STX17: variants seen among roughly 807,000 people sequenced by gnomAD.
STX17 encodes syntaxin-17.
STX17 carries 29 observed loss-of-function variants against 35.9 expected under a neutral mutation model. That is an observed-to-expected ratio of 0.81 (90% CI 0.60 to 1.10). The LOEUF is 1.10. Among genes scored for constraint, STX17 ranks in the 50% least tolerant of loss-of-function variants. STX17 has a pLI of 0.00. For synonymous variants in STX17, 92 were observed against 118.3 expected, an observed-to-expected ratio of 0.78 and a Z score of 1.44; for missense variants, 312 against 352.3, an observed-to-expected ratio of 0.89 and a Z score of 0.92.
At chr9:99,910,744 C>G (rs1828643597) in intron 1 of STX17, among the ~76,000 whole-genome samples, 1 of 152,168 alleles carries the variant, frequency 6.6e-6, no homozygotes, top group African/African-American at 2.4e-5. Context: ...ACTATAGCTA[C>G]CTCACTGTGT....
At chr9:99,938,744 G>T (rs1587925791) in intron 3 of STX17, among the ~76,000 whole-genome samples, 1 of 138,060 alleles carries the variant, frequency 7.2e-6, no homozygotes, top group East Asian at 2.6e-4. Flanking sequence ...CCATGATCAT[G>T]CCACTGCACT....
rs1051599177 is a variant in STX17 at position 99,968,953 on chromosome 9, G to T, written c.*280G>T. On this transcript the variant is annotated 3_prime_UTR_variant, in exon 8 of 8. Coordinates refer to ENST00000259400, the MANE Select transcript of STX17 (RefSeq NM_017919.3). ...TTTTCTCCCTGGAAATGTGAAAACT[G>T]AACCTATAACTCTGATAAGGACTTG... The T allele has an allele frequency of 7.0e-6, 2 of 285,510 alleles. No individual in the cohort carries two copies. Among genetic ancestry groups the T allele is most frequent in the African/African-American group, 4.4e-5 (2 of 45,614 alleles). 17.7% of individuals were successfully genotyped at this position (285,510 alleles called of 1,614,324 possible).
intron 3 of STX17, among the ~76,000 whole-genome samples, chr9:99,931,645 C>T (rs980510167): frequency 2.0e-5 from 3 of 152,140 alleles, no homozygotes; most frequent in African/African-American, 7.2e-5. Context: ...GTATGGCCTA[C>T]AAAGCTTGAG....
At chr9:99,953,761 A>C (rs1479236067) in intron 4 of STX17, among the ~76,000 whole-genome samples, 1 of 152,032 alleles carries the variant, frequency 6.6e-6, no homozygotes, top group Non-Finnish European at 1.5e-5. Context: ...TATCTCTAGC[A>C]ATTCCCCTAT....
At position 99,967,703 on chromosome 9, in the gene STX17, T is replaced by C. The variant is rs146249139; in HGVS notation, c.633T>C (p.Ala211=). The C allele has an allele frequency of 2.7e-4, 428 of 1,613,914 alleles. No homozygotes were observed. In the African/African-American group the frequency reaches 5.1e-3, roughly 19 times the overall value. ...DSIADHVNSA[A]VNVEEGTKNL... is the part of the protein sequence containing the mutation. Reference sequence around the variant, plus strand: ...TTGCAGACCATGTCAACAGTGCTGCTGTGAATGTTGAAGAGGGAACCAAAA... The same window carrying C: ...TTGCAGACCATGTCAACAGTGCTGCCGTGAATGTTGAAGAGGGAACCAAAA... Residue 211 remains alanine (A), a synonymous_variant, in exon 7 of 8, where the codon GCT becomes GCC. Transcript: ENST00000259400.
intron 2 of STX17, among the ~76,000 whole-genome samples, chr9:99,916,462 C>A (rs190194253): frequency 3.4e-5 from 5 of 147,018 alleles, no homozygotes; most frequent in Admixed American, 2.7e-4. Flanking sequence ...TTCATTCATT[C>A]ATTCTTTTGA....
intron 3 of STX17, among the ~76,000 whole-genome samples, chr9:99,942,078 A>AT (rs1294767687): frequency 1.3e-5 from 2 of 152,196 alleles, no homozygotes; most frequent in Non-Finnish European, 2.9e-5. Flanking sequence ...TTAATTTTAC[A>AT]TTCCTTCCAG....
intron 4 of STX17, among the ~76,000 whole-genome samples, chr9:99,953,609 A>T (rs572758041): frequency 2.9e-4 from 44 of 152,162 alleles, no homozygotes; most frequent in African/African-American, 1.0e-3. Context: ...ACTGAGTTTT[A>T]TAGTTGCATG....
intron 2 of STX17, among the ~76,000 whole-genome samples, chr9:99,917,564 G>C (rs753414015): frequency 6.6e-6 from 1 of 152,202 alleles, no homozygotes; most frequent in Non-Finnish European, 1.5e-5. Context: ...TGCAACATCT[G>C]AAAACAATGA....
intron 3 of STX17, among the ~76,000 whole-genome samples, chr9:99,939,217 AAAG>A (rs745582171): frequency 1.3e-4 from 20 of 152,308 alleles, no homozygotes; most frequent in Middle Eastern, 3.4e-3. Flanking sequence ...GGTTAGGAGA[AAAG>A]AAACGATTAA....
At chr9:99,965,470 C>A (rs1218220827) in intron 6 of STX17, among the ~76,000 whole-genome samples, 1 of 152,142 alleles carries the variant, frequency 6.6e-6, no homozygotes, top group East Asian at 1.9e-4. Flanking sequence ...CCTTTCAACT[C>A]ATCAACATAT....
At position 99,960,091 on chromosome 9, in the gene STX17, C is replaced by G; in HGVS notation, c.532-14C>G. ...TGAGGCATAAAAGTAACTTCCTCTC[C>G]CTTTCTTTTAAAGGACTTAATTGAA... On this transcript the variant is annotated splice_polypyrimidine_tract_variant and intron_variant, in intron 5 of 7. Coordinates refer to ENST00000259400, the MANE Select transcript of STX17 (RefSeq NM_017919.3). 1 of 1,613,972 alleles carries G rather than the reference C, an allele frequency of 6.2e-7. No individual in the cohort carries two copies. Among genetic ancestry groups the G allele is most frequent in the Non-Finnish European group, 8.5e-7 (1 of 1,179,932 alleles).
chr9:99,944,163 C>T (rs1321732187), intron 3 of STX17, among the ~76,000 whole-genome samples: 1 of 151,582 alleles, frequency 6.6e-6, no homozygotes, highest in African/African-American at 2.4e-5. Context: ...TTTTTCATTT[C>T]TGATTTTGGT....
intron 2 of STX17, among the ~76,000 whole-genome samples, chr9:99,921,847 G>A (rs1828895092): frequency 6.6e-6 from 1 of 151,824 alleles, no homozygotes; most frequent in African/African-American, 2.4e-5. Flanking sequence ...GAACTCATCT[G>A]AAGTATCTAG....
At chr9:99,935,921 G>A (rs1322283750) in intron 3 of STX17, among the ~76,000 whole-genome samples, 1 of 152,176 alleles carries the variant, frequency 6.6e-6, no homozygotes, top group Admixed American at 6.5e-5. Flanking sequence ...TGTGAGCAAG[G>A]AGAGTACAGG....
intron 6 of STX17, among the ~76,000 whole-genome samples, chr9:99,966,492 TGAA>T (rs1829912200): frequency 1.3e-5 from 2 of 152,204 alleles, no homozygotes; most frequent in African/African-American, 4.8e-5. Flanking sequence ...TCAATATAAA[TGAA>T]TAGGCCAATT....
Position 99,963,834 on chromosome 9 carries a change from A to C in STX17, c.582+3679A>C, listed in dbSNP as rs532937318. On this transcript the variant is annotated intron_variant, in intron 6 of 7. Transcript: ENST00000259400. ...ATTTTGCCTATATATCATAGTATTT[A>C]TAAGTTTGTTTCTGGGCCTTTTTGT... Among the ~76,000 whole-genome samples, 33 of 152,270 alleles carry C rather than the reference A, an allele frequency of 2.2e-4. No individual in the cohort carries two copies. The South Asian group carries it at 6.6e-3, about 31-fold the overall frequency.
chr9:99,960,236 G>A, intron 6 of STX17, 81 bp downstream of exon 6: 1 of 1,358,088 alleles, frequency 7.4e-7, no homozygotes, highest in South Asian at 1.3e-5. Context: ...CTTTTAATTA[G>A]AATTTTAATA....
chr9:99,965,921 G>A (rs994336851), intron 6 of STX17, among the ~76,000 whole-genome samples: 2 of 152,070 alleles, frequency 1.3e-5, no homozygotes, highest in African/African-American at 4.8e-5. Flanking sequence ...ATTCTTACTT[G>A]ATAAATGAGA....
Sources: gnomAD v4.1 joint callset for allele counts (sites outside exome capture counted in the v4.1 genomes callset) on GRCh38, gnomAD v4.1.1 for gene constraint, MANE v1.5 for transcripts, NCBI Gene and HGNC (gene_info 2026-07-23, HGNC 2026-07-21) for gene names.